RAB2B: variants seen among roughly 807,000 people sequenced by gnomAD.
The protein encoded by RAB2B is ras-related protein Rab-2B.
RAB2B carries 20 observed loss-of-function variants against 29.8 expected under a neutral mutation model. The observed-to-expected ratio is 0.67, with a 90% CI of 0.47 to 0.97. The LOEUF (loss-of-function observed/expected upper bound fraction) is 0.97. RAB2B is among the 50% of genes least tolerant of loss of function. The pLI is 0.00. For synonymous variants in RAB2B, 93 were observed against 91.7 expected (o/e 1.01, Z -0.08); for missense variants, 218 against 272.0 (o/e 0.80, Z 1.40).
chr14:21,470,727 T>A (rs536062257), intron 3 of RAB2B, among the ~76,000 whole-genome samples: 4 of 152,140 alleles, frequency 2.6e-5, no homozygotes, highest in Non-Finnish European at 5.9e-5. Context: ...CTCCCTCTAC[T>A]TCCCTCACAG....
At chr14:21,474,113 C>T (rs1376290313) in intron 3 of RAB2B, among the ~76,000 whole-genome samples, 1 of 152,172 alleles carries the variant, frequency 6.6e-6, no homozygotes, top group African/African-American at 2.4e-5. Flanking sequence ...ATTGCTTGAA[C>T]CCAGGCGGTG....
At chr14:21,462,522 G>C in intron 6 of RAB2B, 104 bp from the exon 7 acceptor site, 1 of 1,141,004 alleles carries the variant, frequency 8.8e-7, no homozygotes, top group Non-Finnish European at 1.2e-6. Context: ...AGGTGAATTA[G>C]GAACCATTAG....
chr14:21,462,202 T>A (rs546001303), intron 7 of RAB2B, 148 bp downstream of exon 7: 61 of 404,860 alleles, frequency 1.5e-4, no homozygotes, highest in African/African-American at 2.1e-4. Flanking sequence ...TACCTAGATT[T>A]AAAAAAAAAA....
chr14:21,461,119 G>T lies in RAB2B; in HGVS notation c.*77C>A. Reference sequence around the variant, plus strand: ...TAAAAAGAGGCTGCTCTCAGCCAAAGCAAGAAAGACCTCTTTCATTAAGCC... The same window carrying T: ...TAAAAAGAGGCTGCTCTCAGCCAAATCAAGAAAGACCTCTTTCATTAAGCC... On this transcript the variant is annotated 3_prime_UTR_variant, in exon 8 of 8. Transcript: ENST00000397762. The T allele has an allele frequency of 1.9e-6, 2 of 1,037,378 alleles. No individual in the cohort carries two copies. Among genetic ancestry groups the T allele is most frequent in the Non-Finnish European group, 2.9e-6 (2 of 692,370 alleles). 64.3% of individuals were successfully genotyped at this position (1,037,378 alleles called of 1,614,324 possible). A position where few individuals can be genotyped will look rare whatever the true frequency, so the allele number is the denominator to read the frequency against.
chr14:21,476,178 T>G (rs1433981743), intron 2 of RAB2B: 1 of 208,252 alleles, frequency 4.8e-6, no homozygotes, highest in African/African-American at 2.3e-5. Context: ...TGTTTACTTT[T>G]TAAAAGTAAG....
intron 5 of RAB2B, 73 bp downstream of exon 5, chr14:21,468,284 A>G: frequency 8.3e-7 from 1 of 1,211,322 alleles, no homozygotes; most frequent in Non-Finnish European, 1.2e-6. Flanking sequence ...AAACTGAGAA[A>G]GTTTGGGGAT....
chr14:21,461,681 T>G (rs1890559510), intron 7 of RAB2B, among the ~76,000 whole-genome samples: 1 of 152,130 alleles, frequency 6.6e-6, no homozygotes, highest in Non-Finnish European at 1.5e-5. Flanking sequence ...ACTTCTGGCC[T>G]CAAGTGATCC....
intron 3 of RAB2B, among the ~76,000 whole-genome samples, chr14:21,473,829 G>A (rs992772736): frequency 5.9e-5 from 9 of 152,028 alleles, no homozygotes; most frequent in South Asian, 2.1e-4. Context: ...TGGCTAACAC[G>A]GTGAAACCCC....
chr14:21,469,632 C>A (rs1166709505), intron 3 of RAB2B, among the ~76,000 whole-genome samples: 1 of 151,990 alleles, frequency 6.6e-6, no homozygotes, highest in Non-Finnish European at 1.5e-5. Context: ...AATATGAATA[C>A]CCTGTACATT....
At chr14:21,465,283 C>T (rs1890661213) in intron 5 of RAB2B, among the ~76,000 whole-genome samples, 1 of 152,222 alleles carries the variant, frequency 6.6e-6, no homozygotes, top group Non-Finnish European at 1.5e-5. Flanking sequence ...TTTGTGAATT[C>T]TTCATTTCCA....
chr14:21,476,298 G>A (rs905889786), intron 2 of RAB2B: 19 of 444,208 alleles, frequency 4.3e-5, no homozygotes, highest in African/African-American at 9.9e-5. Flanking sequence ...ATTATATGAC[G>A]AGTCTATACC....
chr14:21,464,293 G>A (rs565554566), intron 5 of RAB2B, among the ~76,000 whole-genome samples: 5 of 152,202 alleles, frequency 3.3e-5, no homozygotes, highest in South Asian at 2.1e-4. Flanking sequence ...CCAGCTACTC[G>A]GGAGGCTGAG....
rs1890619699 is a variant in RAB2B, at chr14:21,463,662, A to G, written c.468T>C (p.Val156=). 2 of 1,608,180 alleles carry G rather than the reference A, an allele frequency of 1.2e-6. No individual in the cohort carries two copies. Among genetic ancestry groups the G allele is most frequent in the South Asian group, 1.1e-5 (1 of 90,930 alleles). The stretch of plus-strand genomic sequence containing the variant: ...ACTGTTTTCCAAATAGTACCTCTTC[A>G]ACATTGCAGGCTGTTTTGGCTGAAG... ...METSAKTACN[V]EEAFINTAKE... The change falls in exon 6 of 8, where the codon GTT becomes GTC. Residue 156 remains valine (V), a synonymous_variant. Transcript: ENST00000397762.
At chr14:21,466,260 G>A (rs1293109865) in intron 5 of RAB2B, among the ~76,000 whole-genome samples, 5 of 152,132 alleles carry the variant, frequency 3.3e-5, no homozygotes, top group African/African-American at 9.7e-5. Flanking sequence ...CGAGGCAGGC[G>A]GATCGCCTGA....
chr14:21,467,435 C>T (rs1890712369), intron 5 of RAB2B, among the ~76,000 whole-genome samples: 1 of 152,180 alleles, frequency 6.6e-6, no homozygotes, highest in Non-Finnish European at 1.5e-5. Flanking sequence ...TACGCCACTG[C>T]GCCTGGCCTT....
Position 21,459,925 on chromosome 14 carries a change from G to T in RAB2B, c.*1271C>A, listed in dbSNP as rs1309743972. On this transcript the variant is annotated 3_prime_UTR_variant, in exon 8 of 8. Transcript: ENST00000397762. Reference sequence around the variant, plus strand: ...TCTGGTGAAAGACACTACAATGTTAGATCTGGCCCCTAAAATAAAATGAAC... The same window carrying T: ...TCTGGTGAAAGACACTACAATGTTATATCTGGCCCCTAAAATAAAATGAAC... 5 of 326,456 alleles carry T rather than the reference G, an allele frequency of 1.5e-5. No individual in the cohort carries two copies. The highest frequency in any genetic ancestry group is 5.0e-5 in the South Asian group (2 of 40,094). 20.2% of individuals were successfully genotyped at this position (326,456 alleles called of 1,614,324 possible).
chr14:21,468,868 T>G, intron 3 of RAB2B, 116 bp from the exon 4 acceptor site: 1 of 533,118 alleles, frequency 1.9e-6, no homozygotes, highest in Non-Finnish European at 3.1e-6. Context: ...GAATTTCTAT[T>G]ACGAAAAGAG....
At chr14:21,473,249 CTCAGT>C (rs1457806836) in intron 3 of RAB2B, among the ~76,000 whole-genome samples, 14 of 152,272 alleles carry the variant, frequency 9.2e-5, no homozygotes, top group Non-Finnish European at 1.9e-4. Context: ...GGCTTTAGCT[CTCAGT>C]TCAGAGAAGA....
At chr14:21,462,865 G>GA (rs1324169953) in intron 6 of RAB2B, among the ~76,000 whole-genome samples, 3 of 141,914 alleles carry the variant, frequency 2.1e-5, no homozygotes, top group Non-Finnish European at 3.1e-5. Flanking sequence ...AATCAAAAAA[G>GA]AAAAAAAACA....
Sources: gnomAD v4.1 joint callset for allele counts (sites outside exome capture counted in the v4.1 genomes callset) on GRCh38, gnomAD v4.1.1 for gene constraint, MANE v1.5 for transcripts, NCBI Gene and HGNC (gene_info 2026-07-23, HGNC 2026-07-21) for gene names.